Variants in ENOX2 observed in about 807,000 individuals in gnomAD.
The protein encoded by ENOX2 is ecto-NOX disulfide-thiol exchanger 2.
Under a neutral mutation model 45.0 loss-of-function variants are expected in ENOX2, and 36 were observed. The ratio of observed to expected loss-of-function variants is 0.80; its 90% CI spans 0.61 to 1.06. The LOEUF (loss-of-function observed/expected upper bound fraction) is 1.06, where lower values mean the gene tolerates loss of function less well. ENOX2 is among the 50% of genes least tolerant of loss of function. The pLI is 0.00. For synonymous variants in ENOX2, 174 were observed against 152.3 expected (o/e 1.14, Z -1.05); for missense variants, 423 against 462.5 (o/e 0.91, Z 0.78).
At chrX:130,760,402 T>A (rs992580875) in intron 3 of ENOX2, among the ~76,000 whole-genome samples, 1 of 111,439 alleles carries the variant, frequency 9.0e-6, no homozygotes, top group African/African-American at 3.3e-5. Context: ...TAAGAGTGTA[T>A]ATCCTTGCCT....
At chrX:130,801,310 G>C (rs2077212188) in intron 2 of ENOX2, among the ~76,000 whole-genome samples, 1 of 112,238 alleles carries the variant, frequency 8.9e-6, no homozygotes, top group Non-Finnish European at 1.9e-5. Context: ...TGTAAATAAG[G>C]AAATTGCAGC....
rs754377336 is a variant in ENOX2, at chrX:130,890,539, G to A, written c.-183+11145C>T. Among the ~76,000 whole-genome samples, 11 of 112,219 alleles carry A rather than the reference G, an allele frequency of 9.8e-5. No homozygotes were observed. The East Asian group carries it at 3.1e-3, about 31-fold the overall frequency. On this transcript the variant is annotated intron_variant, in intron 2 of 14. Coordinates refer to ENST00000394363, the MANE Select transcript of ENOX2 (RefSeq NM_006375.4). The stretch of plus-strand genomic sequence containing the variant: ...CTTGAACCAAACCATGAACTTAAAC[G>A]GGAAGACACAGAACTAATTTGCTAA...
At chrX:130,877,401 C>T (rs1020685008) in intron 2 of ENOX2, among the ~76,000 whole-genome samples, 2 of 111,890 alleles carry the variant, frequency 1.8e-5, no homozygotes, top group African/African-American at 6.5e-5. Flanking sequence ...CAAATCATTC[C>T]GTACTCTTTT....
chrX:130,857,809 A>T (rs2078337579), intron 2 of ENOX2, among the ~76,000 whole-genome samples: 2 of 111,991 alleles, frequency 1.8e-5, no homozygotes, highest in Admixed American at 1.9e-4. Flanking sequence ...TTAAGTAAAA[A>T]AGAATGCTGA....
chrX:130,870,950 G>A (rs761986720), intron 2 of ENOX2, among the ~76,000 whole-genome samples: 5 of 109,425 alleles, frequency 4.6e-5, no homozygotes, highest in Non-Finnish European at 7.6e-5. Flanking sequence ...GAGACAGAGA[G>A]AGAGAGAGAG....
chrX:130,821,851 A>G (rs2077619085), intron 2 of ENOX2, among the ~76,000 whole-genome samples: 1 of 104,290 alleles, frequency 9.6e-6, no homozygotes, highest in African/African-American at 3.5e-5. Context: ...GGATCACTTA[A>G]GTCCAGGGGT....
chrX:130,870,772 A>G (rs943940505), intron 2 of ENOX2, among the ~76,000 whole-genome samples: 6 of 110,765 alleles, frequency 5.4e-5, no homozygotes, highest in African/African-American at 2.0e-4. Context: ...GGACATTCTT[A>G]TTTTGCCCTC....
At chrX:130,871,635 C>A (rs1206922022) in intron 2 of ENOX2, among the ~76,000 whole-genome samples, 3 of 111,068 alleles carry the variant, frequency 2.7e-5, no homozygotes, top group South Asian at 3.8e-4. Context: ...GACAAACAAT[C>A]AAATTAACTA....
intron 3 of ENOX2, among the ~76,000 whole-genome samples, chrX:130,765,853 T>C (rs1271408842): frequency 1.8e-5 from 2 of 111,844 alleles, no homozygotes; most frequent in Non-Finnish European, 3.8e-5. Context: ...TAAGAAATCA[T>C]GTGCTTCTAC....
At chrX:130,849,492 C>T (rs2078171205) in intron 2 of ENOX2, among the ~76,000 whole-genome samples, 1 of 112,361 alleles carries the variant, frequency 8.9e-6, no homozygotes, top group South Asian at 3.7e-4. Flanking sequence ...TAAGCACCTA[C>T]TGTGTGACAG....
chrX:130,809,510 T>C (rs2077358055), intron 2 of ENOX2, among the ~76,000 whole-genome samples: 1 of 112,036 alleles, frequency 8.9e-6, no homozygotes, highest in South Asian at 3.7e-4. Context: ...CCAAGATCGA[T>C]GTTTTTTTAT....
chrX:130,669,702 G>A (rs1218701086), intron 7 of ENOX2, among the ~76,000 whole-genome samples: 1 of 111,875 alleles, frequency 8.9e-6, no homozygotes, highest in Admixed American at 9.5e-5. Flanking sequence ...AGGAAAACTT[G>A]TTTATTTCTA....
chrX:130,865,631 A>C (rs1181185731), intron 2 of ENOX2, among the ~76,000 whole-genome samples: 1 of 112,309 alleles, frequency 8.9e-6, no homozygotes, highest in African/African-American at 3.2e-5. Flanking sequence ...ACACTTAGGA[A>C]ACATCATTGA....
At chrX:130,681,800 T>C (rs1032996285) in intron 5 of ENOX2, among the ~76,000 whole-genome samples, 2 of 111,831 alleles carry the variant, frequency 1.8e-5, no homozygotes, top group Non-Finnish European at 3.8e-5. Flanking sequence ...TTATTTACTA[T>C]TATAGAACCC....
chrX:130,637,763 T>A (rs1034793639), intron 10 of ENOX2, among the ~76,000 whole-genome samples: 52 of 112,383 alleles, frequency 4.6e-4, no homozygotes, highest in African/African-American at 1.6e-3. Context: ...TGCTGACAGA[T>A]GTTTTTAAGG....
At chrX:130,848,942 G>A (rs773094512) in intron 2 of ENOX2, among the ~76,000 whole-genome samples, 1 of 112,218 alleles carries the variant, frequency 8.9e-6, no homozygotes, top group African/African-American at 3.2e-5. Flanking sequence ...AAAACAGTGA[G>A]TAGGCAACAG....
intron 2 of ENOX2, among the ~76,000 whole-genome samples, chrX:130,860,634 T>C (rs2078393929): frequency 9.0e-6 from 1 of 111,541 alleles, no homozygotes; most frequent in Admixed American, 9.5e-5. Flanking sequence ...GCATATCCTG[T>C]TTGTTGTACC....
chrX:130,789,253 C>G (rs999999726), intron 2 of ENOX2, among the ~76,000 whole-genome samples: 2 of 112,478 alleles, frequency 1.8e-5, no homozygotes, highest in African/African-American at 6.5e-5. Context: ...AAAGAATTTT[C>G]ATGATTCTTG....
chrX:130,629,457 A>T, intron 13 of ENOX2, among the ~76,000 whole-genome samples: 1 of 112,843 alleles, frequency 8.9e-6, no homozygotes, highest in Admixed American at 9.3e-5. Flanking sequence ...TATTTTAAGA[A>T]TCTTTTTTTC....
Sources: gnomAD v4.1 joint callset for allele counts (sites outside exome capture counted in the v4.1 genomes callset) on GRCh38, gnomAD v4.1.1 for gene constraint, MANE v1.5 for transcripts, NCBI Gene and HGNC (gene_info 2026-07-23, HGNC 2026-07-21) for gene names.